The following ARHGEF12 variants were observed in gnomAD, a reference collection of about 807,000 sequenced individuals.
ARHGEF12 encodes the protein KMT2A/ARHGEF12 fusion protein.
A neutral mutation model predicts 211.2 loss-of-function variants in ARHGEF12; 66 were observed. That is an observed-to-expected ratio of 0.31 (90% CI 0.26 to 0.38). ARHGEF12 has a LOEUF of 0.38. ARHGEF12 is among the 10% of genes least tolerant of loss of function. ARHGEF12 has a pLI of 1.00. For synonymous variants in ARHGEF12, 592 were observed against 638.4 expected (o/e 0.93, Z 1.09); for missense variants, 1,429 against 1,869.5 (o/e 0.76, Z 4.34).
Position 120,348,428 on chromosome 11 carries a change from A to G in ARHGEF12, c.32+11153A>G, listed in dbSNP as rs73580217. ...CTAATCCAAAAATCCAAAATCAGAAATGCTTCAAAATCTGAAACTTTTTGG... is the reference window on the plus strand; with the variant it reads ...CTAATCCAAAAATCCAAAATCAGAAGTGCTTCAAAATCTGAAACTTTTTGG... On this transcript the variant is annotated intron_variant, in intron 1 of 40. Coordinates refer to ENST00000397843, the MANE Select transcript of ARHGEF12 (RefSeq NM_015313.3). Among the ~76,000 whole-genome samples, 1,008 of 152,348 alleles carry G rather than the reference A, an allele frequency of 6.6e-3. 11 individuals carry two copies. Among genetic ancestry groups the G allele is most frequent in the African/African-American group, 0.023 (940 of 41,580 alleles).
At chr11:120,377,634 C>T (rs1224757934) in intron 1 of ARHGEF12, among the ~76,000 whole-genome samples, 1 of 152,122 alleles carries the variant, frequency 6.6e-6, no homozygotes, top group Non-Finnish European at 1.5e-5. Context: ...TATGCCCAGC[C>T]TTTCTTCTCT....
At chr11:120,360,444 G>C (rs1205055345) in intron 1 of ARHGEF12, among the ~76,000 whole-genome samples, 3 of 152,050 alleles carry the variant, frequency 2.0e-5, no homozygotes, top group Non-Finnish European at 4.4e-5. Context: ...TCAGGCTGGA[G>C]TGCAGTGATG....
At chr11:120,384,798 A>G (rs921676928) in intron 1 of ARHGEF12, among the ~76,000 whole-genome samples, 5 of 151,982 alleles carry the variant, frequency 3.3e-5, no homozygotes, top group African/African-American at 1.2e-4. Flanking sequence ...TCCTCCCCCC[A>G]TGTTTAAATC....
intron 1 of ARHGEF12, among the ~76,000 whole-genome samples, chr11:120,399,345 A>G (rs1944489920): frequency 6.7e-6 from 1 of 148,606 alleles, no homozygotes; most frequent in South Asian, 2.1e-4. Flanking sequence ...AAAAAAAAAA[A>G]AAAAAAGAAA....
intron 1 of ARHGEF12, among the ~76,000 whole-genome samples, chr11:120,403,029 A>G (rs1300324195): frequency 1.3e-5 from 2 of 152,200 alleles, no homozygotes; most frequent in Non-Finnish European, 2.9e-5. Context: ...TTATTTAACT[A>G]CCAAATCACA....
intron 1 of ARHGEF12, among the ~76,000 whole-genome samples, chr11:120,378,986 A>G (rs1472158122): frequency 1.3e-5 from 2 of 152,092 alleles, no homozygotes; most frequent in African/African-American, 4.8e-5. Context: ...GTCAATTTCT[A>G]TTTACAGAAA....
chr11:120,409,516 C>A, intron 4 of ARHGEF12, 66 bp downstream of exon 4: 1 of 1,477,010 alleles, frequency 6.8e-7, no homozygotes. Context: ...CTTTTCTGTT[C>A]TTTTTTTCCT....
intron 23 of ARHGEF12, 49 bp downstream of exon 23, chr11:120,457,299 TA>T (rs1321273274): frequency 6.3e-7 from 1 of 1,599,330 alleles, no homozygotes; most frequent in East Asian, 2.2e-5. Flanking sequence ...TTAAAGTTTT[TA>T]AATTATATGC....
chr11:120,343,696 A>T (rs900630564), intron 1 of ARHGEF12, among the ~76,000 whole-genome samples: 1 of 152,232 alleles, frequency 6.6e-6, no homozygotes, highest in African/African-American at 2.4e-5. Flanking sequence ...AATGAAAAGT[A>T]GGTTTCCTGT....
intron 28 of ARHGEF12, among the ~76,000 whole-genome samples, chr11:120,466,574 A>G (rs1468597216): frequency 1.3e-5 from 2 of 152,240 alleles, no homozygotes; most frequent in Non-Finnish European, 1.5e-5. Context: ...ACTCAAGGGC[A>G]TAGGATTACA....
chr11:120,404,909 G>A (rs560581783), intron 1 of ARHGEF12, among the ~76,000 whole-genome samples: 2 of 152,036 alleles, frequency 1.3e-5, no homozygotes, highest in Admixed American at 1.3e-4. Flanking sequence ...TGAAGATTTC[G>A]TGGTCTTTTG....
In ARHGEF12 at chr11:120,457,130, T is replaced by G. The variant is rs779611324; in HGVS notation, c.2069T>G (p.Val690Gly). ...GKENDTGSKQ[V>G]GETSAPGDTL... ...CTTTTGTCTACAGGATCAAAGCAAGTTGGAGAAACATCAGCACCTGGAGAC... is the reference window on the plus strand; with the variant it reads ...CTTTTGTCTACAGGATCAAAGCAAGGTGGAGAAACATCAGCACCTGGAGAC... The change falls in exon 23 of 41, where the codon GTT (valine) becomes GGT (glycine). Residue 690 changes from valine (V) to glycine (G), a missense_variant. Transcript: ENST00000397843. 6.2e-6 allele frequency: 10 copies of G among 1,613,780 alleles called. No homozygotes were observed. The South Asian group carries it at 9.9e-5, about 16-fold the overall frequency.
At chr11:120,354,650 AC>A (rs1300454848) in intron 1 of ARHGEF12, among the ~76,000 whole-genome samples, 3 of 152,146 alleles carry the variant, frequency 2.0e-5, no homozygotes, top group African/African-American at 7.2e-5. Flanking sequence ...TGTTTTAGTA[AC>A]CCCAGAAAAT....
Position 120,487,849 on chromosome 11 carries a change from A to C in ARHGEF12, c.*2772A>C, listed in dbSNP as rs892430740. On this transcript the variant is annotated 3_prime_UTR_variant, in exon 41 of 41. Coordinates refer to ENST00000397843, the MANE Select transcript of ARHGEF12 (RefSeq NM_015313.3). ...TCAAGGCAAATCAGCAAGCCCCCAA[A>C]GTGCTGTAATTTAACATCATGATTA... is the stretch of plus-strand genomic sequence containing the variant. The C allele has an allele frequency of 3.2e-5, 7 of 219,986 alleles. No individual in the cohort carries two copies. Among genetic ancestry groups the C allele is most frequent in the African/African-American group, 1.6e-4 (7 of 44,550 alleles). The allele number at this position is 219,986 out of a possible 1,614,324, so 13.6% of individuals were successfully genotyped here.
rs139695247 is a variant in ARHGEF12, at chr11:120,407,333, C to T, written c.57-405C>T. ...TTTTAAATGTTAAACCGTTCTCATG[C>T]ATGCTCTATTTATGCAGTGATTTTG... On this transcript the variant is annotated intron_variant, in intron 2 of 40. Coordinates refer to ENST00000397843, the MANE Select transcript of ARHGEF12 (RefSeq NM_015313.3). 2.6e-3 allele frequency among the ~76,000 whole-genome samples: 399 copies of T among 152,286 alleles called. 5 individuals are homozygous for T. The highest frequency in any genetic ancestry group is 0.02 in the Admixed American group (305 of 15,298).
chr11:120,463,908 G>A (rs1035688992), intron 27 of ARHGEF12: 1 of 152,256 alleles, frequency 6.6e-6, no homozygotes, highest in Admixed American at 6.5e-5. Flanking sequence ...TTATCTACAA[G>A]TATAGAGGCT....
chr11:120,414,847 C>T (rs1411864059), intron 4 of ARHGEF12, among the ~76,000 whole-genome samples: 2 of 152,168 alleles, frequency 1.3e-5, no homozygotes, highest in East Asian at 1.9e-4. Flanking sequence ...TTGCCTTGGC[C>T]TCCCAAAACG....
chr11:120,461,980 C>T (rs1317643725), intron 27 of ARHGEF12, among the ~76,000 whole-genome samples: 2 of 100,526 alleles, frequency 2.0e-5, no homozygotes, highest in Non-Finnish European at 4.6e-5. Flanking sequence ...CTTCTTTATA[C>T]AGACTAATAG....
chr11:120,373,596 C>T (rs560869072), intron 1 of ARHGEF12, among the ~76,000 whole-genome samples: 50 of 151,884 alleles, frequency 3.3e-4, no homozygotes, highest in African/African-American at 1.1e-3. Flanking sequence ...ATTATTGGTA[C>T]GATATTCTAT....
Sources: allele counts gnomAD v4.1 joint callset (sites outside exome capture counted in the v4.1 genomes callset), GRCh38; gene constraint gnomAD v4.1.1; transcripts MANE v1.5; gene names NCBI Gene and HGNC (gene_info 2026-07-23, HGNC 2026-07-21).